TENM2: variants seen among roughly 807,000 people sequenced by gnomAD.
The protein encoded by TENM2 is teneurin transmembrane protein 2, also known as teneurin-2.
Under a neutral mutation model 245.2 loss-of-function variants are expected in TENM2, and 52 were observed. The ratio of observed to expected loss-of-function variants is 0.21; its 90% CI spans 0.17 to 0.27. TENM2 has a LOEUF of 0.27. TENM2 is among the 10% of genes least tolerant of loss of function. TENM2 has a pLI of 1.00. For missense variants in TENM2, 3,046 were observed against 3,666.8 expected (o/e 0.83, Z 4.37); for synonymous variants, 1,363 against 1,438.9 (o/e 0.95, Z 1.19).
At chr5:167,615,678 A>G (rs1328406598) in intron 2 of TENM2, among the ~76,000 whole-genome samples, 1 of 152,122 alleles carries the variant, frequency 6.6e-6, no homozygotes, top group Admixed American at 6.6e-5. Context: ...ATAAACAGTC[A>G]GAATATCTTA....
At chr5:167,296,265 C>T (rs889448335) in intron 1 of TENM2, 12 of 152,120 alleles carry the variant, frequency 7.9e-5, no homozygotes, top group Admixed American at 2.0e-4. Flanking sequence ...AATTGCGGTC[C>T]CAGTGGGATA....
intron 2 of TENM2, among the ~76,000 whole-genome samples, chr5:167,419,241 C>T (rs1444527778): frequency 2.0e-5 from 3 of 151,894 alleles, no homozygotes; most frequent in East Asian, 1.9e-4. Flanking sequence ...ATGGGCAGAT[C>T]GCTTGAGGTC....
chr5:167,859,457 G>A (rs1479652438), intron 2 of TENM2, among the ~76,000 whole-genome samples: 2 of 124,350 alleles, frequency 1.6e-5, no homozygotes, highest in Non-Finnish European at 3.4e-5. Flanking sequence ...CCCCTACTGG[G>A]AAGTGAGGAG....
rs114168398 is a variant in TENM2, at chr5:168,195,182, T to G, written c.2787T>G (p.Val929=). ...CTGTTTCTGTCTTTCTCAGCTTGGT[T>G]TCTCTCATCCGAGGCCAAGTAGTAA... is the stretch of plus-strand genomic sequence containing the variant. The change falls in exon 15 of 29, where the codon GTT becomes GTG. Residue 929 remains valine (V), a synonymous_variant. Transcript: ENST00000518659. The G allele has an allele frequency of 0.011, 17,062 of 1,599,032 alleles. 125 individuals are homozygous for G. Among genetic ancestry groups the G allele is most frequent in the Non-Finnish European group, 0.013 (14,753 of 1,171,608 alleles).
chr5:167,403,549 G>T (rs776527038), intron 2 of TENM2, among the ~76,000 whole-genome samples: 28 of 152,060 alleles, frequency 1.8e-4, no homozygotes, highest in Non-Finnish European at 3.8e-4. Flanking sequence ...TATGGGTCAT[G>T]GTAGATAGAC....
chr5:168,049,977 T>C (rs1257925450), intron 6 of TENM2, among the ~76,000 whole-genome samples: 2 of 152,060 alleles, frequency 1.3e-5, no homozygotes, highest in Non-Finnish European at 2.9e-5. Flanking sequence ...TAATTTTTTG[T>C]ATTTTAGTGG....
intron 3 of TENM2, among the ~76,000 whole-genome samples, chr5:167,890,701 A>G (rs1357379899): frequency 6.6e-6 from 1 of 152,144 alleles, no homozygotes; most frequent in African/African-American, 2.4e-5. Context: ...TGATCTTTTA[A>G]TTTATTCATG....
At chr5:168,065,216 A>G (rs998848953) in intron 7 of TENM2, among the ~76,000 whole-genome samples, 7 of 152,174 alleles carry the variant, frequency 4.6e-5, no homozygotes, top group African/African-American at 1.7e-4. Context: ...TCTGACCAAG[A>G]GCCTACAAGG....
chr5:167,599,047 G>T (rs1022082005), intron 2 of TENM2, among the ~76,000 whole-genome samples: 1 of 152,164 alleles, frequency 6.6e-6, no homozygotes, highest in Non-Finnish European at 1.5e-5. Context: ...AATGCTTGGA[G>T]TAGAGGAACA....
chr5:167,011,206 G>A, the TENM2 span, among the ~76,000 whole-genome samples: 1 of 152,148 alleles, frequency 6.6e-6, no homozygotes, highest in East Asian at 1.9e-4. Context: ...CAAGCAAATG[G>A]TTAACACCAA....
At chr5:168,052,650 A>C (rs932775694) in intron 6 of TENM2, among the ~76,000 whole-genome samples, 2 of 152,076 alleles carry the variant, frequency 1.3e-5, no homozygotes, top group African/African-American at 4.8e-5. Flanking sequence ...TTCCTATTCC[A>C]AAGGGCCAAT....
chr5:167,739,725 A>G (rs1761044526), intron 2 of TENM2, among the ~76,000 whole-genome samples: 1 of 152,226 alleles, frequency 6.6e-6, no homozygotes, highest in Non-Finnish European at 1.5e-5. Flanking sequence ...TCCAAAGCTC[A>G]GAATACCAAA....
intron 9 of TENM2, among the ~76,000 whole-genome samples, chr5:168,116,988 T>C (rs76963241): frequency 0.012 from 1,796 of 152,322 alleles, 31 homozygotes; most frequent in African/African-American, 0.041. Context: ...CGGAGGATTT[T>C]AGGCCCAAAT....
At chr5:167,994,784 C>T (rs186123407) in intron 5 of TENM2, among the ~76,000 whole-genome samples, 8 of 152,224 alleles carry the variant, frequency 5.3e-5, no homozygotes, top group East Asian at 1.9e-4. Flanking sequence ...CCCCTAATTT[C>T]GAGTCATGTC....
chr5:167,281,255 C>T (rs1382287949), upstream of TENM2, among the ~76,000 whole-genome samples: 2 of 151,016 alleles, frequency 1.3e-5, no homozygotes, highest in East Asian at 3.9e-4. Flanking sequence ...TTACAGGCAC[C>T]TGCCACCACG....
intron 16 of TENM2, among the ~76,000 whole-genome samples, chr5:168,199,322 C>T (rs893269418): frequency 6.6e-6 from 1 of 152,254 alleles, no homozygotes; most frequent in Non-Finnish European, 1.5e-5. Context: ...AAGACTTTGG[C>T]AGTCATCAGA....
intron 5 of TENM2, among the ~76,000 whole-genome samples, chr5:168,027,721 G>A (rs761648637): frequency 5.3e-5 from 8 of 152,202 alleles, no homozygotes; most frequent in Non-Finnish European, 7.3e-5. Flanking sequence ...TCAGCTTTGC[G>A]TGGCCCTATC....
chr5:167,959,295 C>T (rs1454846234), intron 4 of TENM2, among the ~76,000 whole-genome samples: 3 of 151,646 alleles, frequency 2.0e-5, no homozygotes, highest in South Asian at 2.1e-4. Context: ...CCCAGGTTCA[C>T]GCCATTCTCC....
chr5:167,695,153 G>A (rs1206889830), intron 2 of TENM2, among the ~76,000 whole-genome samples: 3 of 152,086 alleles, frequency 2.0e-5, no homozygotes, highest in Admixed American at 6.5e-5. Context: ...CATACCATAG[G>A]CACAGCACCT....
Sources: allele counts gnomAD v4.1 joint callset (sites outside exome capture counted in the v4.1 genomes callset), GRCh38; gene constraint gnomAD v4.1.1; transcripts MANE v1.5; gene names NCBI Gene and HGNC (gene_info 2026-07-23, HGNC 2026-07-21).